Variants in SLC27A2 observed in about 807,000 individuals in gnomAD.
The protein encoded by SLC27A2 is solute carrier family 27 member 2.
Under a neutral mutation model 60.0 loss-of-function variants are expected in SLC27A2, and 54 were observed. That is an observed-to-expected ratio of 0.90 (90% confidence interval 0.72 to 1.13). The LOEUF (loss-of-function observed/expected upper bound fraction) is 1.13. SLC27A2 is among the 50% of genes most tolerant of loss of function. SLC27A2 has a pLI of 0.00. For synonymous variants in SLC27A2, 297 were observed against 297.6 expected (o/e 1.00, Z 0.02); for missense variants, 739 against 777.6 (o/e 0.95, Z 0.59).
Position 50,197,477 on chromosome 15 carries a change from G to T in SLC27A2, c.479-23G>T. The T allele has an allele frequency of 1.9e-6, 3 of 1,572,380 alleles. No individual in the cohort carries two copies. In the South Asian group the frequency reaches 3.3e-5, roughly 18 times the overall value. ...TTAATAGACTGATTTAGTTTGTTTTGATATTTTTCTTATTAAATTAAGAAC... is the reference window on the plus strand; with the variant it reads ...TTAATAGACTGATTTAGTTTGTTTTTATATTTTTCTTATTAAATTAAGAAC... On this transcript the variant is annotated intron_variant, in intron 1 of 9. Transcript: ENST00000267842.
chr15:50,202,106 A>G (rs2045068912), intron 2 of SLC27A2, among the ~76,000 whole-genome samples: 1 of 152,202 alleles, frequency 6.6e-6, no homozygotes, highest in Non-Finnish European at 1.5e-5. Flanking sequence ...GTTTCTCTTC[A>G]GATTACTACT....
chr15:50,189,709 T>G (rs1329743487), intron 1 of SLC27A2, among the ~76,000 whole-genome samples: 5 of 151,956 alleles, frequency 3.3e-5, no homozygotes, highest in Non-Finnish European at 5.9e-5. Flanking sequence ...AAGGATAGAG[T>G]TCAGATTATT....
At chr15:50,197,010 A>T (rs2045028609) in intron 1 of SLC27A2, among the ~76,000 whole-genome samples, 1 of 152,040 alleles carries the variant, frequency 6.6e-6, no homozygotes, top group East Asian at 1.9e-4. Flanking sequence ...TCTGGAGTAT[A>T]TTTAGATATA....
Position 50,226,994 on chromosome 15 carries a change from C to G in SLC27A2, c.1273C>G (p.Leu425Val). 6.2e-7 allele frequency: 1 copy of G among 1,613,762 alleles called. No individual in the cohort carries two copies. The highest frequency in any genetic ancestry group is 2.2e-5 in the East Asian group (1 of 44,880). The change falls in exon 7 of 10, where the codon CTG (leucine) becomes GTG (valine). Residue 425 changes from leucine (L) to valine (V), a missense_variant. Leu to Val is a conservative substitution (Grantham distance 32, BLOSUM62 1). Transcript: ENST00000267842. ...TTCTGTCTTAGGTGAAGTTGGACTT[C>G]TGGTTTGCAAAATCACACAACTTAC... The part of the protein sequence containing the change: ...VRVPKGEVGL[L>V]VCKITQLTPF...
intron 2 of SLC27A2, among the ~76,000 whole-genome samples, chr15:50,201,127 T>C (rs1272232116): frequency 6.6e-6 from 1 of 152,052 alleles, no homozygotes; most frequent in South Asian, 2.1e-4. Context: ...GGACTACAGG[T>C]GCATACCGCC....
intron 4 of SLC27A2, among the ~76,000 whole-genome samples, chr15:50,208,151 C>T (rs2045127689): frequency 6.6e-6 from 1 of 152,136 alleles, no homozygotes; most frequent in Non-Finnish European, 1.5e-5. Context: ...AAGTGACACC[C>T]ATCCACAGAC....
intron 1 of SLC27A2, 53 bp from the exon 2 acceptor site, chr15:50,197,447 G>T: frequency 2.8e-6 from 4 of 1,409,840 alleles, no homozygotes; most frequent in South Asian, 1.2e-5. Flanking sequence ...AGCACTAATA[G>T]AACTTTAATA....
chr15:50,226,017 T>C lies in SLC27A2; in HGVS notation c.1197T>C (p.Tyr399=), dbSNP rs184643921. Residue 399 remains tyrosine, a synonymous_variant, in exon 6 of 10, where the codon TAT becomes TAC. Coordinates refer to ENST00000267842, the MANE Select transcript of SLC27A2 (RefSeq NM_003645.4). ...TCATAACTTATGACCTGATTAAATATGATGTGGAGAAAGATGAACCTGTCC... is the reference window on the plus strand; with the variant it reads ...TCATAACTTATGACCTGATTAAATACGATGTGGAGAAAGATGAACCTGTCC... ...KKIITYDLIK[Y]DVEKDEPVRD... 3.1e-5 allele frequency: 50 copies of C among 1,606,584 alleles called. No homozygotes were observed. The East Asian group carries it at 1.0e-3, about 34-fold the overall frequency.
rs772197676 is a variant in SLC27A2, at chr15:50,235,908, G to A, written c.1687-12G>A. 6 of 1,598,402 alleles carry A rather than the reference G, an allele frequency of 3.8e-6. No individual in the cohort carries two copies. The highest frequency in any genetic ancestry group is 3.4e-6 in the Non-Finnish European group (4 of 1,169,108). ...AATGCAACCAAAATGTGGATTATTT[G>A]ATGTTTTTCAGGACACCATTGAGAT... On this transcript the variant is annotated splice_polypyrimidine_tract_variant and intron_variant, in intron 9 of 9. Transcript: ENST00000267842.
chr15:50,219,170 T>C (rs1378075102), intron 4 of SLC27A2, among the ~76,000 whole-genome samples: 2 of 152,224 alleles, frequency 1.3e-5, no homozygotes, highest in Non-Finnish European at 2.9e-5. Context: ...TGAATCCTCA[T>C]CTACCACAAT....
intron 7 of SLC27A2, among the ~76,000 whole-genome samples, chr15:50,228,390 A>C (rs999215197): frequency 6.7e-6 from 1 of 149,198 alleles, no homozygotes. Context: ...AAAAAAAAAA[A>C]AAAAAAAAAG....
chr15:50,235,029 A>G (rs1324362668), intron 9 of SLC27A2, among the ~76,000 whole-genome samples: 1 of 152,208 alleles, frequency 6.6e-6, no homozygotes, highest in African/African-American at 2.4e-5. Flanking sequence ...AGACTTAACT[A>G]TCACCGCTAG....
At position 50,197,564 on chromosome 15, in the gene SLC27A2, T is replaced by G; in HGVS notation, c.543T>G (p.Tyr181Ter). Residue 181 changes from tyrosine to a stop codon, truncating the protein, a stop_gained, in exon 2 of 10, where the codon TAT becomes TAG. Transcript: ENST00000267842. LOFTEE classifies it high-confidence loss of function. ...AAAAAGATGATGTGTCCATCTATTA[T>G]GTGAGCAGAACTTCTAACACAGATG... ...SLKKDDVSIY[Y>*]VSRTSNTDGI... The G allele has an allele frequency of 3.7e-6, 6 of 1,614,120 alleles. No homozygotes were observed. Among genetic ancestry groups the G allele is most frequent in the Non-Finnish European group, 3.4e-6 (4 of 1,179,982 alleles).
At chr15:50,204,177 T>G (rs1210339029) in intron 3 of SLC27A2, among the ~76,000 whole-genome samples, 1 of 152,198 alleles carries the variant, frequency 6.6e-6, no homozygotes, top group African/African-American at 2.4e-5. Flanking sequence ...AAATATTGCA[T>G]GAATGGGCCA....
In SLC27A2 at chr15:50,182,879, G is replaced by A; in HGVS notation, c.452G>A (p.Gly151Glu). ...CTGCTGCACTGCTTCCAGTGCTGCG[G>A]GGCGAAGGTGCTGCTGGTGTCGCCA... ...KSLLHCFQCC[G>E]AKVLLVSPEL... The change falls in exon 1 of 10, where the codon GGG becomes GAG. Residue 151 changes from glycine to glutamate, a missense_variant. Transcript: ENST00000267842. 1 of 1,610,562 alleles carries A rather than the reference G, an allele frequency of 6.2e-7. No individual in the cohort carries two copies. The highest frequency in any genetic ancestry group is 8.5e-7 in the Non-Finnish European group (1 of 1,178,774).
chr15:50,186,461 C>T (rs1034573857), intron 1 of SLC27A2, among the ~76,000 whole-genome samples: 1 of 150,154 alleles, frequency 6.7e-6, no homozygotes, highest in Non-Finnish European at 1.5e-5. Context: ...GTTTTTGAGA[C>T]AGTCTCGCTC....
At chr15:50,205,690 C>T (rs2045107069) in intron 4 of SLC27A2, among the ~76,000 whole-genome samples, 1 of 152,086 alleles carries the variant, frequency 6.6e-6, no homozygotes. Context: ...ATACATTAAA[C>T]ATATTTGGGT....
chr15:50,235,357 CCTT>C (rs1009048678), intron 9 of SLC27A2, among the ~76,000 whole-genome samples: 5 of 152,174 alleles, frequency 3.3e-5, no homozygotes, highest in South Asian at 2.1e-4. Context: ...AATGATCCCT[CCTT>C]CTAATCCCAC....
chr15:50,183,823 C>G (rs2044895255), intron 1 of SLC27A2, among the ~76,000 whole-genome samples: 1 of 151,986 alleles, frequency 6.6e-6, no homozygotes, highest in South Asian at 2.1e-4. Context: ...GGAGCCTCAG[C>G]TTTCTAGAAT....
Sources: allele counts gnomAD v4.1 joint callset (sites outside exome capture counted in the v4.1 genomes callset), GRCh38; gene constraint gnomAD v4.1.1; transcripts MANE v1.5; gene names NCBI Gene and HGNC (gene_info 2026-07-23, HGNC 2026-07-21).